Variants in CEP192 observed in about 807,000 individuals in gnomAD.
CEP192 encodes the protein centrosomal protein 192.
In CEP192, 151 loss-of-function variants were observed where a neutral mutation model predicts 271.8. The ratio of observed to expected loss-of-function variants is 0.56; its 90% confidence interval spans 0.49 to 0.64. CEP192 has a LOEUF of 0.64. Among genes scored for constraint, CEP192 ranks in the 30% least tolerant of loss-of-function variants. The pLI is 0.00. For synonymous variants in CEP192, 995 were observed against 1,076.5 expected (o/e 0.92, Z 1.48); for missense variants, 2,910 against 3,020.5 (o/e 0.96, Z 0.86).
chr18:13,124,827 C>CT lies in CEP192; in HGVS notation c.*60dup. On this transcript the variant is annotated 3_prime_UTR_variant, in exon 45 of 45. Transcript: ENST00000506447. ...ATAAGTTGTATTTTGTTAACTTTATCTTTCTACACTACAATTATGCTTTTG... is the reference window on the plus strand; with the variant it reads ...ATAAGTTGTATTTTGTTAACTTTATCTTTTCTACACTACAATTATGCTTTTG... 1 of 1,272,852 alleles carries CT rather than the reference C, an allele frequency of 7.9e-7. No individual in the cohort carries two copies. Among genetic ancestry groups the CT allele is most frequent in the Non-Finnish European group, 1.1e-6 (1 of 898,374 alleles). 78.8% of individuals were successfully genotyped at this position (1,272,852 alleles called of 1,614,324 possible).
intron 38 of CEP192, among the ~76,000 whole-genome samples, chr18:13,102,970 T>C (rs1416706175): frequency 6.6e-6 from 1 of 152,242 alleles, no homozygotes; most frequent in South Asian, 2.1e-4. Context: ...CTCAGCCTCA[T>C]GTCAGTAAGT....
At chr18:13,113,812 C>G (rs1447692653) in intron 41 of CEP192, 107 bp downstream of exon 41, 1 of 1,028,696 alleles carries the variant, frequency 9.7e-7, no homozygotes, top group Admixed American at 3.2e-5. Context: ...GCCCCATAAT[C>G]TTAATTTTCT....
chr18:13,031,559 T>G (rs906004944), intron 11 of CEP192, among the ~76,000 whole-genome samples: 13 of 152,212 alleles, frequency 8.5e-5, no homozygotes, highest in African/African-American at 2.9e-4. Context: ...CTGGCCTTAT[T>G]GTTAATAGGC....
intron 14 of CEP192, among the ~76,000 whole-genome samples, chr18:13,041,782 T>C (rs894689539): frequency 1.3e-5 from 2 of 152,050 alleles, no homozygotes; most frequent in Non-Finnish European, 2.9e-5. Flanking sequence ...GCCAGGCTGG[T>C]CTCAAACTCC....
intron 7 of CEP192, 96 bp downstream of exon 7, chr18:13,017,432 T>C: frequency 1.0e-6 from 1 of 967,340 alleles, no homozygotes; most frequent in Non-Finnish European, 1.5e-6. Flanking sequence ...CCTTTGGACT[T>C]TGGACTTTTC....
chr18:13,115,937 G>A (rs1178641451), intron 42 of CEP192, among the ~76,000 whole-genome samples: 1 of 152,184 alleles, frequency 6.6e-6, no homozygotes, highest in Non-Finnish European at 1.5e-5. Flanking sequence ...GGAGAAAGGG[G>A]AGGCAGCTGT....
At chr18:13,065,244 T>C (rs1422635682) in intron 21 of CEP192, among the ~76,000 whole-genome samples, 1 of 152,116 alleles carries the variant, frequency 6.6e-6, no homozygotes, top group Non-Finnish European at 1.5e-5. Context: ...CCATGGGATG[T>C]AAATTCAGGT....
rs199713207 is a variant in CEP192, at chr18:13,113,681, G to C, written c.7143G>C (p.Thr2381=). 9 of 1,612,612 alleles carry C rather than the reference G, an allele frequency of 5.6e-6. No homozygotes were observed. In the Admixed American group the frequency reaches 1.3e-4, roughly 24 times the overall value. The part of the protein sequence containing the change: ...HPLKEPHMKH[T]LRFQLSGQSI... ...TTAAGGAGCCTCACATGAAACACAC[G>C]TTGAGATTCCAACTCTCTGGACAAG... The change falls in exon 41 of 45, where the codon ACG becomes ACC. Residue 2381 remains threonine (T), a synonymous_variant. Transcript: ENST00000506447.
intron 27 of CEP192, among the ~76,000 whole-genome samples, chr18:13,070,696 A>G (rs1293886352): frequency 1.3e-5 from 2 of 152,306 alleles, no homozygotes; most frequent in Admixed American, 6.5e-5. Context: ...GTGACCTTAC[A>G]GAAGAGGAGA....
At chr18:13,024,392 C>A (rs1030529805) in intron 9 of CEP192, 3 of 451,002 alleles carry the variant, frequency 6.7e-6, no homozygotes, top group South Asian at 4.7e-5. Flanking sequence ...TTCTTGTAGA[C>A]GTCATATACT....
At chr18:13,008,339 T>G (rs1237948105) in intron 3 of CEP192, 117 bp from the exon 4 acceptor site, 1 of 719,114 alleles carries the variant, frequency 1.4e-6, no homozygotes, top group Non-Finnish European at 2.3e-6. Context: ...ATGTTTCTTT[T>G]TATTGCTTCC....
In CEP192 at chr18:13,113,612, TA is replaced by T; in HGVS notation, c.7075del (p.Arg2359GlyfsTer20). The T allele has an allele frequency of 1.2e-6, 2 of 1,613,312 alleles. No homozygotes were observed. The highest frequency in any genetic ancestry group is 1.7e-6 in the Non-Finnish European group (2 of 1,179,576). On this transcript the variant is annotated frameshift_variant, in exon 41 of 45. Coordinates refer to ENST00000506447, the MANE Select transcript of CEP192 (RefSeq NM_032142.4). LOFTEE classifies it high-confidence loss of function. The stretch of plus-strand genomic sequence containing the variant: ...TCTCCATCACATTTTTGCCCAGAGG[TA>T]GGGGGGATTATGCCCAGTTTTGGGA... ...KVSITFLPRG[R>X]GDYAQFWDVE... is the part of the protein sequence containing the mutation.
At chr18:13,076,503 A>G (rs1467695321) in intron 30 of CEP192, among the ~76,000 whole-genome samples, 1 of 152,178 alleles carries the variant, frequency 6.6e-6, no homozygotes, top group Admixed American at 6.5e-5. Flanking sequence ...GGCGTGAGCC[A>G]CGCACCCGGC....
At chr18:13,024,708 G>A (rs769784054) in intron 9 of CEP192, among the ~76,000 whole-genome samples, 2 of 151,756 alleles carry the variant, frequency 1.3e-5, no homozygotes, top group Non-Finnish European at 2.9e-5. Context: ...TGATCCACCC[G>A]CCTTGGCCTC....
chr18:13,076,860 T>A (rs1356278664), intron 30 of CEP192, among the ~76,000 whole-genome samples: 2 of 152,090 alleles, frequency 1.3e-5, no homozygotes, highest in Admixed American at 6.6e-5. Context: ...CTCGGCTCAC[T>A]GCAACTTCCA....
chr18:13,101,963 C>G (rs142987460), intron 38 of CEP192, among the ~76,000 whole-genome samples: 1 of 152,160 alleles, frequency 6.6e-6, no homozygotes, highest in African/African-American at 2.4e-5. Context: ...CTGTTCCTGC[C>G]TGGCAAGATC....
intron 1 of CEP192, among the ~76,000 whole-genome samples, chr18:12,995,136 C>A (rs913916122): frequency 3.4e-5 from 5 of 148,080 alleles, no homozygotes; most frequent in Non-Finnish European, 7.4e-5. Flanking sequence ...ATCTCGGCTC[C>A]CTGCAAGCTC....
At chr18:12,992,277 T>C (rs2032911870) in intron 1 of CEP192, among the ~76,000 whole-genome samples, 1 of 152,220 alleles carries the variant, frequency 6.6e-6, no homozygotes, top group African/African-American at 2.4e-5. Context: ...AACAATAATA[T>C]ACCAAATGCC....
At chr18:13,042,812 TG>T (rs758288244) in intron 15 of CEP192, among the ~76,000 whole-genome samples, 10 of 152,240 alleles carry the variant, frequency 6.6e-5, no homozygotes, top group Non-Finnish European at 1.5e-4. Flanking sequence ...TTCTGTTATA[TG>T]AATATTCTAT....
Sources: allele counts gnomAD v4.1 joint callset (sites outside exome capture counted in the v4.1 genomes callset), GRCh38; gene constraint gnomAD v4.1.1; transcripts MANE v1.5; gene names NCBI Gene and HGNC (gene_info 2026-07-23, HGNC 2026-07-21).